PYY: variants seen among roughly 807,000 people sequenced by gnomAD.
PYY encodes peptide tyrosine tyrosine.
Under a neutral mutation model 10.3 loss-of-function variants are expected in PYY, and 12 were observed. The observed-to-expected ratio is 1.17, with a 90% CI of 0.75 to 1.89. The LOEUF is 1.89. PYY is among the 40% of genes most tolerant of loss of function. The pLI is 0.00. For synonymous variants in PYY, 66 were observed against 62.0 expected (o/e 1.06, Z -0.30); for missense variants, 141 against 134.0 (o/e 1.05, Z -0.26).
intron 1 of PYY, among the ~76,000 whole-genome samples, chr17:43,997,642 G>A (rs865887367): frequency 2.6e-5 from 4 of 152,052 alleles, no homozygotes; most frequent in African/African-American, 9.7e-5. Flanking sequence ...TGACACCATG[G>A]GACTCACCTT....
At chr17:43,992,081 C>T (rs1363966933) in intron 1 of PYY, among the ~76,000 whole-genome samples, 5 of 139,018 alleles carry the variant, frequency 3.6e-5, no homozygotes, top group Non-Finnish European at 1.5e-5. Context: ...AGACTGTGCA[C>T]TGCACTCCAG....
chr17:43,968,684 C>G (rs1345828176), intron 1 of PYY, among the ~76,000 whole-genome samples: 1 of 152,094 alleles, frequency 6.6e-6, no homozygotes, highest in African/African-American at 2.4e-5. Flanking sequence ...TGGTAGTGTG[C>G]ACCTGTGGTC....
chr17:43,973,838 G>A (rs1010146243), intron 1 of PYY, among the ~76,000 whole-genome samples: 1 of 152,024 alleles, frequency 6.6e-6, no homozygotes, highest in East Asian at 1.9e-4. Context: ...ACAGACAATC[G>A]CAAAAACAAG....
At chr17:43,996,907 T>A (rs1272681453) in intron 1 of PYY, among the ~76,000 whole-genome samples, 2 of 152,122 alleles carry the variant, frequency 1.3e-5, no homozygotes, top group Non-Finnish European at 2.9e-5. Flanking sequence ...CAGGCTGGTC[T>A]CAAATTCCTG....
At chr17:43,988,848 C>T (rs1296692452) in intron 1 of PYY, among the ~76,000 whole-genome samples, 1 of 151,340 alleles carries the variant, frequency 6.6e-6, no homozygotes, top group African/African-American at 2.4e-5. Flanking sequence ...TTGCAACCTC[C>T]ACCTCCTGGG....
intron 1 of PYY, among the ~76,000 whole-genome samples, chr17:43,989,156 C>T (rs965742295): frequency 3.0e-4 from 46 of 151,984 alleles, no homozygotes; most frequent in South Asian, 8.3e-4. Flanking sequence ...GGGCGGATCA[C>T]GAGGTCAGGA....
intron 1 of PYY, among the ~76,000 whole-genome samples, chr17:43,998,569 A>G (rs2143966717): frequency 6.6e-6 from 1 of 152,142 alleles, no homozygotes; most frequent in Non-Finnish European, 1.5e-5. Context: ...AAAAGAAAAG[A>G]AAAGGAAAAA....
intron 2 of PYY, among the ~76,000 whole-genome samples, chr17:43,963,574 G>GAAAGAAAGAAAGAAAGA (rs1555617079): frequency 0.011 from 557 of 51,274 alleles, 2 homozygotes; most frequent in African/African-American, 0.034. Flanking sequence ...GGAAGGAAAA[G>GAAAGAAAGAAAGAAAGA]AAAGAAAGAA....
intron 1 of PYY, among the ~76,000 whole-genome samples, chr17:43,997,900 G>T (rs1391048504): frequency 6.6e-6 from 1 of 151,380 alleles, no homozygotes; most frequent in South Asian, 2.1e-4. Context: ...TTGGACATAG[G>T]GTATGAAAAA....
intron 1 of PYY, among the ~76,000 whole-genome samples, chr17:43,995,016 G>A (rs969482178): frequency 6.6e-6 from 1 of 152,222 alleles, no homozygotes; most frequent in African/African-American, 2.4e-5. Context: ...ACCCCACGCG[G>A]CCAGTCCGGG....
intron 1 of PYY, among the ~76,000 whole-genome samples, chr17:43,993,413 T>G (rs578083220): frequency 2.7e-5 from 4 of 149,386 alleles, no homozygotes; most frequent in Non-Finnish European, 5.9e-5. Context: ...GAGCCGAGAT[T>G]GCACCACTGC....
At chr17:43,975,045 G>C (rs2048819657) in intron 1 of PYY, among the ~76,000 whole-genome samples, 1 of 152,194 alleles carries the variant, frequency 6.6e-6, no homozygotes, top group African/African-American at 2.4e-5. Flanking sequence ...CAGCCGTTGA[G>C]CCATTTCGCC....
chr17:43,992,885 AGG>A (rs2048966975), intron 1 of PYY, among the ~76,000 whole-genome samples: 2 of 114,476 alleles, frequency 1.7e-5, no homozygotes, highest in African/African-American at 6.5e-5. Context: ...AGGCTGGAAC[AGG>A]GGGAGGATTG....
At chr17:43,967,014 A>G (rs1022774139) in intron 1 of PYY, among the ~76,000 whole-genome samples, 6 of 152,226 alleles carry the variant, frequency 3.9e-5, no homozygotes, top group Non-Finnish European at 8.8e-5. Flanking sequence ...CAAAGAAGAA[A>G]GCAAAAGGCC....
chr17:43,979,639 C>T (rs910382523), intron 1 of PYY, among the ~76,000 whole-genome samples: 2 of 151,858 alleles, frequency 1.3e-5, no homozygotes, highest in Non-Finnish European at 2.9e-5. Context: ...GATGGCACCG[C>T]TGCACTCCAG....
chr17:43,957,329 C>T (rs1193665887), upstream of PYY, among the ~76,000 whole-genome samples: 1 of 151,956 alleles, frequency 6.6e-6, no homozygotes, highest in Non-Finnish European at 1.5e-5. Flanking sequence ...CCTTATAGAG[C>T]TCACATTCTA....
intron 1 of PYY, among the ~76,000 whole-genome samples, chr17:43,992,586 A>C (rs1176504698): frequency 6.6e-6 from 1 of 151,942 alleles, no homozygotes; most frequent in African/African-American, 2.4e-5. Flanking sequence ...GCATGCCTGT[A>C]ATTCCAGCTA....
At chr17:43,996,138 A>G (rs184562881) in intron 1 of PYY, among the ~76,000 whole-genome samples, 1 of 152,312 alleles carries the variant, frequency 6.6e-6, no homozygotes, top group Admixed American at 6.5e-5. Flanking sequence ...TGAACTTTAA[A>G]AGACAATGCA....
At position 43,975,715 on chromosome 17, in the gene PYY, G is replaced by GAAA. The variant is rs1173879627; in HGVS notation, c.-462-9186_-462-9184dup. ...GCCTGGGTGACAGGAGTAAGACCCTGAAAAAAAAAAATATATATATATATA... is the reference window on the plus strand; with the variant it reads ...GCCTGGGTGACAGGAGTAAGACCCTGAAAAAAAAAAAAAATATATATATATATA... On this transcript the variant is annotated intron_variant, in intron 1 of 6. Transcript: ENST00000360085. Among the ~76,000 whole-genome samples the GAAA allele has an allele frequency of 2.2e-4, 15 of 67,690 alleles. 2 individuals carry two copies. The highest frequency in any genetic ancestry group is 5.8e-4 in the African/African-American group (8 of 13,854). 44.4% of individuals were successfully genotyped at this position (67,690 alleles called of 152,430 possible). A position where few individuals can be genotyped will look rare whatever the true frequency, so the allele number is the denominator to read the frequency against.
Sources: allele counts gnomAD v4.1 joint callset (sites outside exome capture counted in the v4.1 genomes callset), GRCh38; gene constraint gnomAD v4.1.1; transcripts MANE v1.5; gene names NCBI Gene and HGNC (gene_info 2026-07-23, HGNC 2026-07-21).